Variants in CELF2 observed in about 807,000 individuals in gnomAD.
CELF2 encodes the protein CUGBP Elav-like family member 2, also known as CUG triplet repeat RNA-binding protein 2.
A neutral mutation model predicts 62.6 loss-of-function variants in CELF2; 8 were observed. The observed-to-expected ratio is 0.13, with a 90% confidence interval of 0.07 to 0.23. The LOEUF is 0.23. Among genes scored for constraint, CELF2 ranks in the 10% least tolerant of loss-of-function variants. The pLI is 1.00. For synonymous variants in CELF2, 258 were observed against 250.0 expected, an observed-to-expected ratio of 1.03 and a Z score of -0.30; for missense variants, 333 against 671.0, an observed-to-expected ratio of 0.50 and a Z score of 5.56.
the CELF2 span, among the ~76,000 whole-genome samples, chr10:10,709,024 C>T: frequency 6.6e-5 from 10 of 152,220 alleles, no homozygotes; most frequent in South Asian, 1.9e-3. Context: ...CAAGGTGTTA[C>T]GTATGCAATA....
In CELF2 at chr10:10,928,992, T is replaced by C. The variant is rs2065810803; in HGVS notation, c.89+8993T>C. Among the ~76,000 whole-genome samples the C allele has an allele frequency of 6.6e-6, 1 of 152,158 alleles. No individual in the cohort carries two copies. Among genetic ancestry groups the C allele is most frequent in the Non-Finnish European group, 1.5e-5 (1 of 68,040 alleles). On this transcript the variant is annotated intron_variant, in intron 2 of 13. Coordinates refer to the CELF2 transcript ENST00000636488. The surrounding 1 kb of genome is among the most constrained non-coding windows in gnomAD (Gnocchi z 4.8). ...AAATGTTTAAATCAATGAATAAATA[T>C]TTGAATTGGGAAGGGAAGGAGGAAG...
chr10:11,274,191 C>T (rs1466633005), intron 7 of CELF2, among the ~76,000 whole-genome samples: 3 of 152,212 alleles, frequency 2.0e-5, no homozygotes, highest in Non-Finnish European at 2.9e-5. Flanking sequence ...ACACTGCTAA[C>T]TGCATCTGTA....
At chr10:11,299,691 G>A (rs1482411930) in intron 9 of CELF2, among the ~76,000 whole-genome samples, 2 of 152,122 alleles carry the variant, frequency 1.3e-5, no homozygotes, top group Non-Finnish European at 2.9e-5. Flanking sequence ...AGTGACAGGT[G>A]AAATGACAGC....
chr10:10,644,921 G>A, the CELF2 span, among the ~76,000 whole-genome samples: 1 of 152,162 alleles, frequency 6.6e-6, no homozygotes, highest in African/African-American at 2.4e-5. Flanking sequence ...AAATCTCAGT[G>A]ACAGGCGGAT....
At chr10:10,875,644 G>T (rs933705743) in intron 1 of CELF2, among the ~76,000 whole-genome samples, 1 of 152,156 alleles carries the variant, frequency 6.6e-6, no homozygotes, top group South Asian at 2.1e-4. Context: ...TTTCCTGCCT[G>T]TGCTGGGGTG....
At chr10:10,517,866 G>A in the CELF2 span, among the ~76,000 whole-genome samples, 1 of 152,238 alleles carries the variant, frequency 6.6e-6, no homozygotes. Context: ...GAATTATGTG[G>A]TTAATGTGCT....
rs977261376 is a variant in CELF2 at position 11,217,921 on chromosome 10, C to A, written c.354+414C>A. On this transcript the variant is annotated intron_variant, in intron 3 of 12. Transcript: ENST00000633077. The surrounding 1 kb of genome is among the most constrained non-coding windows in gnomAD (Gnocchi z 5.6). ...TTTTCTTTTGAAAGGACAAAATGTA[C>A]CCTTTACAGCCATAATATTAAGCCT... 9.9e-5 allele frequency among the ~76,000 whole-genome samples: 15 copies of A among 152,218 alleles called. No homozygotes were observed. Among genetic ancestry groups the A allele is most frequent in the Admixed American group, 6.5e-5 (1 of 15,280 alleles).
the CELF2 span, among the ~76,000 whole-genome samples, chr10:10,748,474 C>T: frequency 1.2e-4 from 19 of 152,082 alleles, no homozygotes; most frequent in Non-Finnish European, 2.6e-4. Context: ...TGGGGTCTGG[C>T]GCGGTGGCTC....
the CELF2 span, among the ~76,000 whole-genome samples, chr10:10,620,457 A>G: frequency 1.3e-5 from 2 of 151,504 alleles, no homozygotes; most frequent in African/African-American, 4.8e-5. Context: ...TCTCAAAAAA[A>G]AAAAAAAAAA....
chr10:10,653,160 G>A, the CELF2 span, among the ~76,000 whole-genome samples: 1 of 152,168 alleles, frequency 6.6e-6, no homozygotes, highest in Admixed American at 6.5e-5. Flanking sequence ...TCAACAAGAA[G>A]AGCTAACTCT....
At chr10:10,967,598 C>T (rs932312549) in intron 2 of CELF2, among the ~76,000 whole-genome samples, 5 of 152,240 alleles carry the variant, frequency 3.3e-5, no homozygotes, top group Middle Eastern at 3.4e-3. Context: ...GGAAGGTGGG[C>T]GCCAGCCTCC....
chr10:10,837,192 A>C (rs2058355620), intron 1 of CELF2, among the ~76,000 whole-genome samples: 1 of 152,166 alleles, frequency 6.6e-6, no homozygotes, highest in Non-Finnish European at 1.5e-5. Context: ...GTGGGAGATA[A>C]TTGAATCATG....
intron 2 of CELF2, among the ~76,000 whole-genome samples, chr10:11,208,400 G>GAGCCTA (rs2060954044): frequency 6.6e-6 from 1 of 152,206 alleles, no homozygotes; most frequent in Non-Finnish European, 1.5e-5. Flanking sequence ...CCAACAAAGT[G>GAGCCTA]TGCCTAGGCT....
chr10:10,743,216 T>A, the CELF2 span, among the ~76,000 whole-genome samples: 2 of 152,234 alleles, frequency 1.3e-5, no homozygotes, highest in African/African-American at 2.4e-5. Context: ...AAATCATACA[T>A]GGATGCTCAC....
At chr10:11,210,797 C>CG (rs1204186070) in intron 2 of CELF2, among the ~76,000 whole-genome samples, 1 of 152,100 alleles carries the variant, frequency 6.6e-6, no homozygotes, top group Non-Finnish European at 1.5e-5. Flanking sequence ...CTGCAGCTGA[C>CG]GAGCCAGTGT....
intron 1 of CELF2, among the ~76,000 whole-genome samples, chr10:11,131,025 G>A (rs960296283): frequency 6.6e-6 from 1 of 152,206 alleles, no homozygotes; most frequent in African/African-American, 2.4e-5. Flanking sequence ...ATACGTTGTG[G>A]TTGTTAACCA....
At position 11,224,973 on chromosome 10, in the gene CELF2, G is replaced by A. The variant is rs896296658; in HGVS notation, c.354+7466G>A. ...TGGTCTGGTTTGTGCAGGGAAGCGC[G>A]CTGGACACTTACAGGAGGGCGGTGT... On this transcript the variant is annotated intron_variant, in intron 3 of 12. Coordinates refer to ENST00000633077, the MANE Select transcript of CELF2 (RefSeq NM_001326342.2). The surrounding 1 kb of genome is among the most constrained non-coding windows in gnomAD (Gnocchi z 4.5). Among the ~76,000 whole-genome samples the A allele has an allele frequency of 4.6e-5, 7 of 152,168 alleles. No individual in the cohort carries two copies. The highest frequency in any genetic ancestry group is 9.7e-5 in the African/African-American group (4 of 41,428).
At chr10:10,824,559 TC>T (rs1333990082) in intron 1 of CELF2, among the ~76,000 whole-genome samples, 1 of 152,228 alleles carries the variant, frequency 6.6e-6, no homozygotes, top group Non-Finnish European at 1.5e-5. Flanking sequence ...CCCCCATGGC[TC>T]TTGGATAATA....
intron 1 of CELF2, among the ~76,000 whole-genome samples, chr10:11,069,147 A>G (rs1471747652): frequency 1.3e-5 from 2 of 152,236 alleles, no homozygotes; most frequent in Non-Finnish European, 2.9e-5. Context: ...TTCTTACTGC[A>G]TGACCCACAG....
Sources: gnomAD v4.1 joint callset for allele counts (sites outside exome capture counted in the v4.1 genomes callset) on GRCh38, gnomAD v4.1.1 for gene constraint, Gnocchi (gnomAD v3.1) non-coding constraint, MANE v1.5 for transcripts, NCBI Gene and HGNC (gene_info 2026-07-23, HGNC 2026-07-21) for gene names.